ANKMY1: variants seen among roughly 807,000 people sequenced by gnomAD.
The protein encoded by ANKMY1 is ankyrin repeat and MYND domain-containing protein 1.
ANKMY1 carries 98 observed loss-of-function variants against 102.0 expected under a neutral mutation model. That is an observed-to-expected ratio of 0.96 (90% CI 0.82 to 1.14). The LOEUF is 1.14. Ranked by LOEUF, ANKMY1 falls within the 50% of genes most tolerant of loss-of-function variation. The pLI, the probability that ANKMY1 is intolerant of heterozygous loss-of-function variation, is 0.00. For missense variants in ANKMY1, 1,330 were observed against 1,347.6 expected (o/e 0.99, Z 0.20); for synonymous variants, 582 against 559.9 (o/e 1.04, Z -0.56).
At chr2:240,474,356 C>T in the ANKMY1 span, among the ~76,000 whole-genome samples, 2 of 151,042 alleles carry the variant, frequency 1.3e-5, no homozygotes, top group Non-Finnish European at 2.9e-5. Context: ...ATCCACCCGC[C>T]TCGGCCTCCC....
intron 4 of ANKMY1, among the ~76,000 whole-genome samples, chr2:240,548,172 A>G (rs1575338084): frequency 6.6e-6 from 1 of 152,200 alleles, no homozygotes; most frequent in South Asian, 2.1e-4. Flanking sequence ...ACCATGATCA[A>G]GTGGGCTTCA....
intron 4 of ANKMY1, among the ~76,000 whole-genome samples, chr2:240,545,344 C>T (rs2090112597): frequency 6.6e-6 from 1 of 152,180 alleles, no homozygotes; most frequent in South Asian, 2.1e-4. Context: ...GACATCCACA[C>T]CAAAAACCCA....
intron 7 of ANKMY1, 22 bp downstream of exon 7, chr2:240,525,663 C>G: frequency 6.2e-7 from 1 of 1,611,026 alleles, no homozygotes; most frequent in Non-Finnish European, 8.5e-7. Context: ...GTTGGTGGTG[C>G]AGTGGCCACC....
chr2:240,489,897 T>C (rs1267593864), intron 15 of ANKMY1, among the ~76,000 whole-genome samples: 1 of 152,228 alleles, frequency 6.6e-6, no homozygotes, highest in African/African-American at 2.4e-5. Context: ...GTCTTGGGCT[T>C]TTCCTTGTTG....
At position 240,540,903 on chromosome 2, in the gene ANKMY1, C is replaced by T. The variant is rs541566712; in HGVS notation, c.481-11394G>A. Among the ~76,000 whole-genome samples, 14 of 152,284 alleles carry T rather than the reference C, an allele frequency of 9.2e-5. No individual in the cohort carries two copies. The East Asian group carries it at 1.3e-3, about 15-fold the overall frequency. The stretch of plus-strand genomic sequence containing the variant: ...AATTTTGGCTGGAGGTGAGAGTCTC[C>T]GTCTCTCTCTGCCAGCCCCAGAAGC... On this transcript the variant is annotated intron_variant, in intron 4 of 17. Transcript: ENST00000401804.
upstream of ANKMY1, chr2:240,560,799 CA>C: frequency 6.9e-7 from 1 of 1,446,624 alleles, no homozygotes; most frequent in Non-Finnish European, 9.0e-7. Context: ...CGCGGAGGAG[CA>C]GCTGGCGCGC....
At chr2:240,485,314 C>T (rs1451955470) in intron 15 of ANKMY1, among the ~76,000 whole-genome samples, 2 of 141,144 alleles carry the variant, frequency 1.4e-5, no homozygotes, top group Admixed American at 1.5e-4. Context: ...GGCGACAGAG[C>T]GAGACTCCGT....
In ANKMY1 at chr2:240,544,660, G is replaced by A. The variant is rs375790307; in HGVS notation, c.480+8254C>T. On this transcript the variant is annotated intron_variant, in intron 4 of 17. Coordinates refer to ENST00000401804, the MANE Select transcript of ANKMY1 (RefSeq NM_001282771.3). ...AGGTCAGTGGGTGCGCGCACTGTGCGCAAGCCGAAGCCGGGCGAGGCATTG... is the reference window on the plus strand; with the variant it reads ...AGGTCAGTGGGTGCGCGCACTGTGCACAAGCCGAAGCCGGGCGAGGCATTG... Among the ~76,000 whole-genome samples, 1,009 of 152,334 alleles carry A rather than the reference G, an allele frequency of 6.6e-3. 13 individuals are homozygous for A. The highest frequency in any genetic ancestry group is 0.03 in the East Asian group (154 of 5,186).
chr2:240,491,575 C>A (rs1370351820), intron 15 of ANKMY1, among the ~76,000 whole-genome samples: 1 of 152,126 alleles, frequency 6.6e-6, no homozygotes, highest in African/African-American at 2.4e-5. Context: ...GTTTAGGACT[C>A]CCTTGAGCAT....
intron 4 of ANKMY1, among the ~76,000 whole-genome samples, chr2:240,542,775 A>T (rs1014195248): frequency 6.7e-6 from 1 of 149,550 alleles, no homozygotes; most frequent in South Asian, 2.1e-4. Context: ...GAGTCTACCA[A>T]GTTGGTTTAT....
intron 4 of ANKMY1, among the ~76,000 whole-genome samples, chr2:240,533,672 T>C (rs895134847): frequency 2.0e-5 from 3 of 151,038 alleles, no homozygotes; most frequent in African/African-American, 7.3e-5. Context: ...CGTTGGACAA[T>C]GCAGGTCTAA....
intron 4 of ANKMY1, among the ~76,000 whole-genome samples, chr2:240,538,285 AGGCGCAGGCGGGAAATGGGGCTGCGAGC>A (rs1363750807): frequency 1.3e-5 from 2 of 151,424 alleles, no homozygotes; most frequent in African/African-American, 2.4e-5. Flanking sequence ...GTGGAGGGAG[AGGCGCAGGCGGGAAATGGGGCTGCGAGC>A]GGCGCTCAGG....
At chr2:240,560,947 C>T (rs1237671785), upstream of ANKMY1, 3 of 1,528,910 alleles carry the variant, frequency 2.0e-6, no homozygotes, top group Non-Finnish European at 2.6e-6. Flanking sequence ...ACGTGCGCCG[C>T]CATGGAGGCC....
At chr2:240,551,500 A>G (rs953087088) in intron 4 of ANKMY1, among the ~76,000 whole-genome samples, 8 of 152,272 alleles carry the variant, frequency 5.3e-5, no homozygotes, top group African/African-American at 1.9e-4. Flanking sequence ...AGGACAGCCT[A>G]TGCGAACCAC....
rs535174102 is a variant in ANKMY1, at chr2:240,509,499, T to C, written c.2287-44A>G. On this transcript the variant is annotated intron_variant, in intron 11 of 17. Coordinates refer to ENST00000401804, the MANE Select transcript of ANKMY1 (RefSeq NM_001282771.3). ...CAGGTTAGAGAGGCACCCCCACCCA[T>C]AAGCAGCACCTGATGGTAGTCATTA... 8.8e-6 allele frequency: 12 copies of C among 1,367,154 alleles called. No homozygotes were observed. In the Admixed American group the frequency reaches 2.3e-4, roughly 26 times the overall value. The allele number at this position is 1,367,154 out of a possible 1,614,324, so 84.7% of individuals were successfully genotyped here.
chr2:240,516,372 T>G (rs2081220101), intron 9 of ANKMY1, among the ~76,000 whole-genome samples: 1 of 152,184 alleles, frequency 6.6e-6, no homozygotes, highest in South Asian at 2.1e-4. Flanking sequence ...TAGGCTTATT[T>G]GGCACGTTAG....
the ANKMY1 span, among the ~76,000 whole-genome samples, chr2:240,469,765 C>T: frequency 1.3e-4 from 19 of 151,288 alleles, 1 homozygote; most frequent in African/African-American, 3.2e-4. Context: ...CATGCACGTC[C>T]TCACATGCCC....
Position 240,526,317 on chromosome 2 carries a change from T to C in ANKMY1, c.1082A>G (p.His361Arg). ...EMILKAEEGN[H>R]EWICRILKDN... ...CTTCAGGATCCTACAAATCCATTCG[T>C]GGTTCCCTTCCTCAGCCTTTAGGAT... The change falls in exon 6 of 18, where the codon CAC becomes CGC. Residue 361 changes from histidine to arginine, a missense_variant. Physicochemically the swap from His to Arg is conservative, Grantham distance 29 (BLOSUM62 0). Transcript: ENST00000401804. 2 of 1,614,210 alleles carry C rather than the reference T, an allele frequency of 1.2e-6. No homozygotes were observed. The highest frequency in any genetic ancestry group is 1.7e-6 in the Non-Finnish European group (2 of 1,180,034).
the ANKMY1 span, among the ~76,000 whole-genome samples, chr2:240,469,197 G>A: frequency 6.6e-6 from 1 of 152,200 alleles, no homozygotes; most frequent in Non-Finnish European, 1.5e-5. Context: ...AGCCCTTTTT[G>A]AACCTGGGCA....
Sources: allele counts gnomAD v4.1 joint callset (sites outside exome capture counted in the v4.1 genomes callset), GRCh38; gene constraint gnomAD v4.1.1; transcripts MANE v1.5; gene names NCBI Gene and HGNC (gene_info 2026-07-23, HGNC 2026-07-21).